Variants in TSPAN5 observed in about 807,000 individuals in gnomAD.
TSPAN5 encodes the protein tetraspanin-5.
In TSPAN5, 10 loss-of-function variants were observed where a neutral mutation model predicts 37.1. The observed-to-expected ratio is 0.27, with a 90% CI of 0.17 to 0.46. TSPAN5 has a LOEUF of 0.46. TSPAN5 is among the 20% of genes least tolerant of loss of function. TSPAN5 has a pLI of 1.00. For missense variants in TSPAN5, 195 were observed against 326.6 expected (o/e 0.60, Z 3.11); for synonymous variants, 110 against 118.9 (o/e 0.93, Z 0.48).
At chr4:98,473,786 G>GT (rs1752638274) in intron 7 of TSPAN5, among the ~76,000 whole-genome samples, 1 of 151,844 alleles carries the variant, frequency 6.6e-6, no homozygotes, top group Non-Finnish European at 1.5e-5. Context: ...TTGTTTGTTT[G>GT]TTTTTTAATA....
chr4:98,492,289 A>C (rs1480274866), intron 2 of TSPAN5, among the ~76,000 whole-genome samples: 1 of 152,224 alleles, frequency 6.6e-6, no homozygotes, highest in Non-Finnish European at 1.5e-5. Flanking sequence ...AAGTGGAGAA[A>C]GTCAGACAGC....
intron 1 of TSPAN5, among the ~76,000 whole-genome samples, chr4:98,587,089 A>C (rs2110202534): frequency 6.6e-6 from 1 of 152,344 alleles, no homozygotes; most frequent in South Asian, 2.1e-4. Context: ...TTCGATGGCC[A>C]GCATGCAGCG....
chr4:98,564,085 G>C (rs767713842), intron 1 of TSPAN5, among the ~76,000 whole-genome samples: 1 of 152,222 alleles, frequency 6.6e-6, no homozygotes, highest in Non-Finnish European at 1.5e-5. Context: ...ATGGGAGACA[G>C]TTATCACACT....
At chr4:98,495,248 G>A (rs1030250440) in intron 2 of TSPAN5, among the ~76,000 whole-genome samples, 3 of 152,136 alleles carry the variant, frequency 2.0e-5, no homozygotes, top group Non-Finnish European at 4.4e-5. Context: ...CCAGCCAACC[G>A]GCCAGGCGCA....
intron 1 of TSPAN5, among the ~76,000 whole-genome samples, chr4:98,655,027 A>C (rs1347872547): frequency 6.6e-6 from 1 of 152,080 alleles, no homozygotes; most frequent in Admixed American, 6.5e-5. Flanking sequence ...TTTGTATTTC[A>C]GTAGGGACAG....
At chr4:98,557,745 T>C (rs1463577087) in intron 1 of TSPAN5, among the ~76,000 whole-genome samples, 2 of 152,186 alleles carry the variant, frequency 1.3e-5, no homozygotes, top group Non-Finnish European at 2.9e-5. Flanking sequence ...TATGTTGACA[T>C]GATCACATCA....
chr4:98,515,223 A>C (rs1329636161), intron 1 of TSPAN5, among the ~76,000 whole-genome samples: 15 of 152,092 alleles, frequency 9.9e-5, no homozygotes, highest in Admixed American at 9.8e-4. Context: ...GAGACAAAGA[A>C]TCACTGGAGG....
rs181800853 is a variant in TSPAN5, at chr4:98,556,856, T to C, written c.82-49128A>G. On this transcript the variant is annotated intron_variant, in intron 1 of 7. Coordinates refer to ENST00000305798, the MANE Select transcript of TSPAN5 (RefSeq NM_005723.4). ...CATTCTTTGCCAAAGATAAGGAAAA[T>C]AGACTTCTATATTTTGAAGAAGTTT... Among the ~76,000 whole-genome samples the C allele has an allele frequency of 7.2e-5, 11 of 152,294 alleles. No individual in the cohort carries two copies. The East Asian group carries it at 1.5e-3, about 21-fold the overall frequency.
intron 3 of TSPAN5, chr4:98,485,627 G>C (rs1432188345): frequency 6.6e-6 from 1 of 152,008 alleles, no homozygotes; most frequent in African/African-American, 2.4e-5. Flanking sequence ...CTCAGAAATG[G>C]GCTGCCCTGG....
chr4:98,507,766 A>G (rs1447161710), intron 1 of TSPAN5, 38 bp from the exon 2 acceptor site: 1 of 1,457,088 alleles, frequency 6.9e-7, no homozygotes, highest in Admixed American at 1.9e-5. Flanking sequence ...ATAAGGGAAA[A>G]TGCCGCTAAT....
At chr4:98,538,776 C>A (rs1043490871) in intron 1 of TSPAN5, among the ~76,000 whole-genome samples, 2 of 152,112 alleles carry the variant, frequency 1.3e-5, no homozygotes, top group African/African-American at 4.8e-5. Flanking sequence ...AAATTTATTC[C>A]ATTTTGCTGT....
At chr4:98,478,638 C>A (rs937020952) in intron 5 of TSPAN5, 47 bp downstream of exon 5, 3 of 1,612,132 alleles carry the variant, frequency 1.9e-6, no homozygotes, top group East Asian at 4.5e-5. Context: ...TGCACACTCT[C>A]GGCATGATGT....
chr4:98,653,440 T>C (rs1425575666), intron 1 of TSPAN5, among the ~76,000 whole-genome samples: 3 of 152,160 alleles, frequency 2.0e-5, no homozygotes, highest in Admixed American at 1.3e-4. Context: ...TTTCTAATCC[T>C]TTGTAGCAAA....
chr4:98,637,404 C>T (rs1339716240), intron 1 of TSPAN5, among the ~76,000 whole-genome samples: 1 of 152,128 alleles, frequency 6.6e-6, no homozygotes, highest in African/African-American at 2.4e-5. Flanking sequence ...TCCCTGGATT[C>T]CAGCAGTAAC....
chr4:98,656,031 G>C (rs1757288374), intron 1 of TSPAN5, among the ~76,000 whole-genome samples: 1 of 152,132 alleles, frequency 6.6e-6, no homozygotes, highest in African/African-American at 2.4e-5. Flanking sequence ...GGGGCAGCTA[G>C]TTTAGTCCCA....
intron 1 of TSPAN5, among the ~76,000 whole-genome samples, chr4:98,521,845 GTTTT>G (rs70955934): frequency 2.6e-5 from 4 of 151,638 alleles, no homozygotes. Flanking sequence ...TGTGGGTTCT[GTTTT>G]TTTTGTTTGT....
At chr4:98,618,517 A>ATC (rs1394180413) in intron 1 of TSPAN5, among the ~76,000 whole-genome samples, 1 of 152,240 alleles carries the variant, frequency 6.6e-6, no homozygotes, top group Non-Finnish European at 1.5e-5. Context: ...GGCAAACTGC[A>ATC]TTAGGCTCTT....
At chr4:98,491,540 G>A (rs1398222167) in intron 2 of TSPAN5, among the ~76,000 whole-genome samples, 3 of 152,046 alleles carry the variant, frequency 2.0e-5, no homozygotes, top group East Asian at 3.9e-4. Flanking sequence ...ATACACAAAT[G>A]AGCTGCACGT....
chr4:98,511,415 A>T (rs1055880755), intron 1 of TSPAN5, among the ~76,000 whole-genome samples: 38 of 152,212 alleles, frequency 2.5e-4, no homozygotes, highest in Non-Finnish European at 4.0e-4. Flanking sequence ...TAGGCTACAA[A>T]CCTATACTGC....
Sources: gnomAD v4.1 joint callset for allele counts (sites outside exome capture counted in the v4.1 genomes callset) on GRCh38, gnomAD v4.1.1 for gene constraint, MANE v1.5 for transcripts, NCBI Gene and HGNC (gene_info 2026-07-23, HGNC 2026-07-21) for gene names.